The following ADGRB3 variants were observed in gnomAD, a reference collection of about 807,000 sequenced individuals.
ADGRB3 encodes adhesion G protein-coupled receptor B3.
A neutral mutation model predicts 193.4 loss-of-function variants in ADGRB3; 37 were observed. That is an observed-to-expected ratio of 0.19 (90% CI 0.15 to 0.25). The LOEUF (loss-of-function observed/expected upper bound fraction) is 0.25, where lower values mean the gene tolerates loss of function less well. Among genes scored for constraint, ADGRB3 ranks in the 10% least tolerant of loss-of-function variants. ADGRB3 has a pLI of 1.00. For synonymous variants in ADGRB3, 690 were observed against 644.2 expected, an observed-to-expected ratio of 1.07 and a Z score of -1.08; for missense variants, 1,637 against 1,852.9, an observed-to-expected ratio of 0.88 and a Z score of 2.14.
At chr6:69,340,544 G>T (rs1023989873) in intron 26 of ADGRB3, among the ~76,000 whole-genome samples, 1 of 152,162 alleles carries the variant, frequency 6.6e-6, no homozygotes, top group Non-Finnish European at 1.5e-5. Context: ...TAGTTTTGCA[G>T]TGATGTGCAG....
intron 19 of ADGRB3, 68 bp from the exon 20 acceptor site, chr6:69,239,056 G>C (rs1024715197): frequency 1.2e-6 from 1 of 834,362 alleles, no homozygotes; most frequent in Middle Eastern, 2.3e-4. Flanking sequence ...CCATCAGTTT[G>C]CACAATATAT....
At chr6:68,861,315 T>C (rs1765145359) in intron 3 of ADGRB3, among the ~76,000 whole-genome samples, 2 of 152,326 alleles carry the variant, frequency 1.3e-5, no homozygotes, top group Admixed American at 6.5e-5. Context: ...GGCTCACGCC[T>C]GTGATCCCAG....
chr6:68,760,665 AG>A (rs1766380230), intron 3 of ADGRB3, among the ~76,000 whole-genome samples: 1 of 152,210 alleles, frequency 6.6e-6, no homozygotes, highest in South Asian at 2.1e-4. Context: ...GAATCTGTGA[AG>A]TAGCAGCTGT....
At chr6:69,297,372 CTCTCTCTCTCTCTCTCTCTA>C (rs1462616683) in intron 20 of ADGRB3, among the ~76,000 whole-genome samples, 1 of 85,348 alleles carries the variant, frequency 1.2e-5, no homozygotes, top group Non-Finnish European at 2.4e-5. Flanking sequence ...CTCTCTTTCT[CTCTCTCTCTCTCTCTCTCTA>C]TCTCTCTCTC....
At chr6:68,788,881 T>C (rs1434167393) in intron 3 of ADGRB3, among the ~76,000 whole-genome samples, 1 of 152,256 alleles carries the variant, frequency 6.6e-6, no homozygotes, top group African/African-American at 2.4e-5. Context: ...GCTCTTCTTG[T>C]TGAATTGATC....
intron 6 of ADGRB3, among the ~76,000 whole-genome samples, chr6:68,948,588 T>C (rs1358756048): frequency 2.0e-5 from 3 of 152,130 alleles, no homozygotes. Context: ...AGTTTTATGC[T>C]AATTTTCTTT....
At chr6:68,917,089 G>C (rs969141440) in intron 3 of ADGRB3, among the ~76,000 whole-genome samples, 2 of 152,142 alleles carry the variant, frequency 1.3e-5, no homozygotes, top group Non-Finnish European at 2.9e-5. Flanking sequence ...GACTGGAGTG[G>C]TAGAGGCATC....
chr6:68,737,391 T>A (rs990350928), intron 3 of ADGRB3, among the ~76,000 whole-genome samples: 2 of 152,146 alleles, frequency 1.3e-5, no homozygotes, highest in African/African-American at 4.8e-5. Flanking sequence ...AATTTTTCAA[T>A]GGTATTTTTG....
At position 69,275,690 on chromosome 6, in the gene ADGRB3, T is replaced by C. The variant is rs541225678; in HGVS notation, c.2814+36464T>C. 2.5e-3 allele frequency among the ~76,000 whole-genome samples: 376 copies of C among 151,626 alleles called. 2 individuals are homozygous for C. Among genetic ancestry groups the C allele is most frequent in the Non-Finnish European group, 3.5e-3 (235 of 67,912 alleles). ...AAATATATTTTTGTTATAGAGGACA[T>C]AATATAAAAAAAAAACATTATATAT... is the stretch of plus-strand genomic sequence containing the variant. On this transcript the variant is annotated intron_variant, in intron 20 of 31. Coordinates refer to ENST00000370598, the MANE Select transcript of ADGRB3 (RefSeq NM_001704.3).
At chr6:68,669,651 T>C (rs1768896476) in intron 3 of ADGRB3, among the ~76,000 whole-genome samples, 1 of 134,068 alleles carries the variant, frequency 7.5e-6, no homozygotes, top group Non-Finnish European at 1.6e-5. Context: ...TGTGTGTGTG[T>C]ATACCAAATT....
intron 20 of ADGRB3, among the ~76,000 whole-genome samples, chr6:69,282,891 AAGTC>A (rs1435549367): frequency 2.6e-5 from 4 of 152,240 alleles, no homozygotes; most frequent in Non-Finnish European, 4.4e-5. Context: ...AGATACCTGA[AAGTC>A]AGGAGGTTCT....
intron 3 of ADGRB3, among the ~76,000 whole-genome samples, chr6:68,724,810 C>T (rs182057122): frequency 2.0e-5 from 3 of 151,574 alleles, no homozygotes; most frequent in East Asian, 2.0e-4. Context: ...ATGCTTAAAG[C>T]GGTGTGTTGG....
At chr6:68,991,936 C>T (rs1360338585) in intron 10 of ADGRB3, among the ~76,000 whole-genome samples, 1 of 152,132 alleles carries the variant, frequency 6.6e-6, no homozygotes, top group Admixed American at 6.6e-5. Context: ...CCTAGGCACA[C>T]CTGGCTCTAA....
chr6:69,156,759 A>G lies in ADGRB3; in HGVS notation c.2481-76531A>G, dbSNP rs578110457. Among the ~76,000 whole-genome samples, 3 of 152,322 alleles carry G rather than the reference A, an allele frequency of 2.0e-5. No homozygotes were observed. The South Asian group carries it at 6.2e-4, about 32-fold the overall frequency. The stretch of plus-strand genomic sequence containing the variant: ...ATGAAAATAGAAGGCTGACTTTCAA[A>G]TTTTGCTAAAGCTACACCAGCTAAT... On this transcript the variant is annotated intron_variant, in intron 17 of 31. Coordinates refer to ENST00000370598, the MANE Select transcript of ADGRB3 (RefSeq NM_001704.3).
intron 3 of ADGRB3, among the ~76,000 whole-genome samples, chr6:68,819,213 A>G (rs1006074311): frequency 1.3e-5 from 2 of 151,782 alleles, no homozygotes; most frequent in South Asian, 4.2e-4. Flanking sequence ...CCCTTTAATA[A>G]TCTGGTTCTC....
chr6:69,217,045 A>G (rs923386236), intron 17 of ADGRB3, among the ~76,000 whole-genome samples: 4 of 152,176 alleles, frequency 2.6e-5, no homozygotes, highest in African/African-American at 9.7e-5. Context: ...TCTTGAAGCA[A>G]TAGGGGTATA....
At chr6:69,190,793 T>C (rs1561947373) in intron 17 of ADGRB3, among the ~76,000 whole-genome samples, 2 of 152,146 alleles carry the variant, frequency 1.3e-5, no homozygotes. Flanking sequence ...TTATCTTTTG[T>C]ACCATATTTT....
intron 3 of ADGRB3, among the ~76,000 whole-genome samples, chr6:68,676,864 T>C (rs1769105046): frequency 6.6e-6 from 1 of 152,166 alleles, no homozygotes; most frequent in South Asian, 2.1e-4. Flanking sequence ...GACTAGCTTC[T>C]TGAAAAAAAT....
intron 3 of ADGRB3, among the ~76,000 whole-genome samples, chr6:68,664,622 GCT>G (rs1467424931): frequency 6.6e-6 from 1 of 151,782 alleles, no homozygotes; most frequent in African/African-American, 2.4e-5. Context: ...AGGCTATTGT[GCT>G]CTGTTACACC....
Sources: gnomAD v4.1 joint callset for allele counts (sites outside exome capture counted in the v4.1 genomes callset) on GRCh38, gnomAD v4.1.1 for gene constraint, MANE v1.5 for transcripts, NCBI Gene and HGNC (gene_info 2026-07-23, HGNC 2026-07-21) for gene names.